The following RPS6KC1 variants were observed in gnomAD, a reference collection of about 807,000 sequenced individuals.
RPS6KC1 encodes the protein ribosomal protein S6 kinase C1.
A neutral mutation model predicts 103.8 loss-of-function variants in RPS6KC1; 54 were observed. That is an observed-to-expected ratio of 0.52 (90% CI 0.42 to 0.65). The LOEUF (loss-of-function observed/expected upper bound fraction) is 0.65, where lower values mean the gene tolerates loss of function less well. RPS6KC1 is among the 30% of genes least tolerant of loss of function. The pLI is 0.00. For missense variants in RPS6KC1, 1,151 were observed against 1,253.8 expected, an observed-to-expected ratio of 0.92 and a Z score of 1.24; for synonymous variants, 439 against 438.7, an observed-to-expected ratio of 1.00 and a Z score of -0.01.
the RPS6KC1 span, among the ~76,000 whole-genome samples, chr1:213,407,550 C>T: frequency 3.9e-5 from 6 of 152,110 alleles, no homozygotes; most frequent in Admixed American, 2.6e-4. Flanking sequence ...GAAAGCAGAC[C>T]GTGGGAACTT....
At chr1:213,061,840 G>T (rs1321629407) in intron 1 of RPS6KC1, among the ~76,000 whole-genome samples, 2 of 152,204 alleles carry the variant, frequency 1.3e-5, no homozygotes, top group South Asian at 4.2e-4. Flanking sequence ...TGTTTTCCAT[G>T]TTTGATTATT....
the RPS6KC1 span, among the ~76,000 whole-genome samples, chr1:213,411,143 T>G: frequency 6.6e-6 from 1 of 152,186 alleles, no homozygotes; most frequent in Non-Finnish European, 1.5e-5. Context: ...TCCACCCTGC[T>G]CATTCACTTG....
the RPS6KC1 span, among the ~76,000 whole-genome samples, chr1:213,416,563 G>C: frequency 6.6e-6 from 1 of 152,186 alleles, no homozygotes; most frequent in Non-Finnish European, 1.5e-5. Flanking sequence ...GGGCTGGGCT[G>C]TGAGTCCAGA....
At chr1:213,583,109 G>T in the RPS6KC1 span, among the ~76,000 whole-genome samples, 5 of 152,292 alleles carry the variant, frequency 3.3e-5, no homozygotes, top group South Asian at 8.3e-4. Context: ...TGTTTTTATT[G>T]CTGAGTAGTA....
chr1:213,768,856 A>C, the RPS6KC1 span, among the ~76,000 whole-genome samples: 2 of 152,178 alleles, frequency 1.3e-5, no homozygotes, highest in Non-Finnish European at 2.9e-5. Flanking sequence ...CGCCTGCAGA[A>C]CTCTATTTAG....
At chr1:213,505,088 G>A in the RPS6KC1 span, among the ~76,000 whole-genome samples, 21 of 152,188 alleles carry the variant, frequency 1.4e-4, 2 homozygotes, top group South Asian at 3.5e-3. Context: ...GTGGGGCTTC[G>A]TTTCCCTTCA....
At chr1:213,123,747 A>G (rs2084661856) in intron 5 of RPS6KC1, among the ~76,000 whole-genome samples, 1 of 152,164 alleles carries the variant, frequency 6.6e-6, no homozygotes, top group South Asian at 2.1e-4. Flanking sequence ...CATTGCTACT[A>G]GGAAAAATAG....
chr1:213,778,079 G>A, the RPS6KC1 span, among the ~76,000 whole-genome samples: 1,017 of 152,248 alleles, frequency 6.7e-3, 14 homozygotes, highest in African/African-American at 0.023. Context: ...ATCATAACAC[G>A]ATGCCACAGC....
chr1:213,093,101 A>G (rs1354650821), intron 3 of RPS6KC1, among the ~76,000 whole-genome samples: 1 of 152,168 alleles, frequency 6.6e-6, no homozygotes, highest in Admixed American at 6.5e-5. Context: ...TAAGCAATTT[A>G]TCTCTTTTAA....
chr1:213,529,432 T>C, the RPS6KC1 span, among the ~76,000 whole-genome samples: 6 of 152,162 alleles, frequency 3.9e-5, no homozygotes. Flanking sequence ...CTTTAAAAAA[T>C]GTTTTTAATA....
the RPS6KC1 span, among the ~76,000 whole-genome samples, chr1:213,321,954 G>T: frequency 6.6e-6 from 1 of 152,298 alleles, no homozygotes; most frequent in African/African-American, 2.4e-5. Context: ...CCTCAAGGAG[G>T]CCAACAAGGC....
the RPS6KC1 span, among the ~76,000 whole-genome samples, chr1:213,362,334 C>G: frequency 4.6e-5 from 7 of 152,172 alleles, no homozygotes; most frequent in Non-Finnish European, 7.3e-5. Flanking sequence ...TGCCTAATAC[C>G]TTCACATCTC....
At chr1:213,189,304 C>T (rs1441436268) in intron 8 of RPS6KC1, among the ~76,000 whole-genome samples, 1 of 151,880 alleles carries the variant, frequency 6.6e-6, no homozygotes, top group Non-Finnish European at 1.5e-5. Flanking sequence ...CAAAAATTAG[C>T]CAGGCGTGAT....
the RPS6KC1 span, among the ~76,000 whole-genome samples, chr1:213,522,037 CCAGATTCAT>C: frequency 6.6e-6 from 1 of 152,170 alleles, no homozygotes; most frequent in African/African-American, 2.4e-5. Flanking sequence ...TTTACTTTCC[CCAGATTCAT>C]CAGAGGAATC....
the RPS6KC1 span, among the ~76,000 whole-genome samples, chr1:213,411,172 C>T: frequency 1.3e-5 from 2 of 152,262 alleles, no homozygotes; most frequent in African/African-American, 4.8e-5. Context: ...CTCTCTAGTC[C>T]TGTCTTTACG....
chr1:213,184,212 A>G (rs1031483988), intron 8 of RPS6KC1, among the ~76,000 whole-genome samples: 2 of 152,096 alleles, frequency 1.3e-5, no homozygotes, highest in Non-Finnish European at 2.9e-5. Flanking sequence ...CTTCCTGAAA[A>G]TGGAAGAAAG....
chr1:213,481,436 A>G, the RPS6KC1 span, among the ~76,000 whole-genome samples: 1 of 152,258 alleles, frequency 6.6e-6, no homozygotes, highest in African/African-American at 2.4e-5. Flanking sequence ...GAGGTGGACC[A>G]TGACTCGTTT....
At chr1:213,112,934 T>C (rs551838595) in intron 4 of RPS6KC1, among the ~76,000 whole-genome samples, 218 of 152,380 alleles carry the variant, frequency 1.4e-3, no homozygotes, top group African/African-American at 5.0e-3. Context: ...ATGGTGTATA[T>C]GTGCCACATT....
At chr1:213,151,834 C>G (rs1232168313) in intron 6 of RPS6KC1, among the ~76,000 whole-genome samples, 2 of 119,958 alleles carry the variant, frequency 1.7e-5, no homozygotes, top group Non-Finnish European at 3.6e-5. Flanking sequence ...GAGGGGCTGA[C>G]CCCCCCACCT....
Sources: gnomAD v4.1 joint callset for allele counts (sites outside exome capture counted in the v4.1 genomes callset) on GRCh38, gnomAD v4.1.1 for gene constraint, MANE v1.5 for transcripts, NCBI Gene and HGNC (gene_info 2026-07-23, HGNC 2026-07-21) for gene names.